The following LPL variants were observed in gnomAD, a reference collection of about 807,000 sequenced individuals.
LPL encodes the protein phospholipase A1.
In LPL, 43 loss-of-function variants were observed where a neutral mutation model predicts 52.2. The ratio of observed to expected loss-of-function variants is 0.82; its 90% CI spans 0.64 to 1.06. The LOEUF (loss-of-function observed/expected upper bound fraction) is 1.06. Ranked by LOEUF, LPL falls within the 50% of genes least tolerant of loss-of-function variation. LPL has a pLI of 0.00. For synonymous variants in LPL, 244 were observed against 215.6 expected, an observed-to-expected ratio of 1.13 and a Z score of -1.15; for missense variants, 639 against 585.3, an observed-to-expected ratio of 1.09 and a Z score of -0.95.
At chr8:19,957,746 G>T (rs573665616) in intron 6 of LPL, among the ~76,000 whole-genome samples, 31 of 152,264 alleles carry the variant, frequency 2.0e-4, no homozygotes, top group Non-Finnish European at 3.5e-4. Flanking sequence ...ATTATAAAAA[G>T]AGATGTATCT....
intron 8 of LPL, among the ~76,000 whole-genome samples, 176 bp downstream of exon 8, chr8:19,961,259 C>G (rs1489754748): frequency 0.011 from 1,254 of 117,646 alleles, no homozygotes; most frequent in African/African-American, 0.019. Flanking sequence ...TTTTGGGGGG[C>G]AGGGGGGGGG....
chr8:19,957,378 G>A (rs1313445955), intron 6 of LPL, among the ~76,000 whole-genome samples: 1 of 152,200 alleles, frequency 6.6e-6, no homozygotes, highest in Non-Finnish European at 1.5e-5. Context: ...TGTGTAAGGT[G>A]ATTCTTAGAA....
chr8:19,954,523 A>G (rs1025689189), intron 5 of LPL, among the ~76,000 whole-genome samples, 170 bp downstream of exon 5: 8 of 152,192 alleles, frequency 5.3e-5, no homozygotes, highest in Non-Finnish European at 8.8e-5. Flanking sequence ...AGCCAGGCAG[A>G]CAGCCATTTT....
rs2069949982 is a variant in LPL, at chr8:19,953,200, A to G, written c.430-110A>G. On this transcript the variant is annotated intron_variant, in intron 3 of 9. Transcript: ENST00000650287. ...ACACAAAATTAAAATAAGTAGAATTAGTTTTCAGTATTTCCTATATTTGGA... is the reference window on the plus strand; with the variant it reads ...ACACAAAATTAAAATAAGTAGAATTGGTTTTCAGTATTTCCTATATTTGGA... 11 of 704,392 alleles carry G rather than the reference A, an allele frequency of 1.6e-5. No individual in the cohort carries two copies. In the Admixed American group the frequency reaches 2.3e-4, roughly 15 times the overall value. The allele number at this position is 704,392 out of a possible 1,614,324, so 43.6% of individuals were successfully genotyped here. A position where few individuals can be genotyped will look rare whatever the true frequency, so the allele number is the denominator to read the frequency against.
At position 19,964,010 on chromosome 8, in the gene LPL, T is replaced by G. The variant is rs530384741; in HGVS notation, c.*-1300T>G. ...TCTTGCTGCCCAGGCTGGAGTGTAG[T>G]GGCTCGATCTCAGCTCACTGCAACC... On this transcript the variant is annotated intron_variant, in intron 9 of 9. Transcript: ENST00000650287. 2.7e-4 allele frequency among the ~76,000 whole-genome samples: 41 copies of G among 152,064 alleles called. 1 individual carries two copies. Among genetic ancestry groups the G allele is most frequent in the Non-Finnish European group, 5.9e-4 (40 of 67,998 alleles).
In LPL at chr8:19,951,928, C is replaced by T. The variant is rs376875031; in HGVS notation, c.409C>T (p.Arg137Trp). The part of the protein sequence containing the change: ...YTKLVGQDVA[R>W]FINWMEEEFN... The stretch of plus-strand genomic sequence containing the variant: ...CAAACTGGTGGGACAGGATGTGGCC[C>T]GGTTTATCAACTGGATGGAGGTAAG... The change falls in exon 3 of 10, where the codon CGG (arginine) becomes TGG (tryptophan). Residue 137 changes from arginine to tryptophan, a missense_variant. Coordinates refer to ENST00000650287, the MANE Select transcript of LPL (RefSeq NM_000237.3). The T allele has an allele frequency of 1.1e-5, 17 of 1,613,880 alleles. No individual in the cohort carries two copies. The highest frequency in any genetic ancestry group is 3.3e-4 in the Middle Eastern group (2 of 6,084).
At chr8:19,942,184 G>T (rs2069846771) in intron 1 of LPL, among the ~76,000 whole-genome samples, 1 of 152,070 alleles carries the variant, frequency 6.6e-6, no homozygotes, top group Non-Finnish European at 1.5e-5. Context: ...TCAGCTTTCT[G>T]TTCTTGCTTT....
chr8:19,964,761 C>T (rs2070070983), intron 9 of LPL, among the ~76,000 whole-genome samples: 2 of 152,072 alleles, frequency 1.3e-5, no homozygotes, highest in African/African-American at 4.8e-5. Context: ...AACTCCTAAC[C>T]TCAGGTGATG....
At position 19,950,227 on chromosome 8, in the gene LPL, G is replaced by A. The variant is rs984258499; in HGVS notation, c.250-1542G>A. Among the ~76,000 whole-genome samples, 1 of 152,202 alleles carries A rather than the reference G, an allele frequency of 6.6e-6. No homozygotes were observed. The stretch of plus-strand genomic sequence containing the variant: ...GCCCACCTGGTATAGGCAGCAGGGA[G>A]GGCTTCAGTTCAGCTGCGTGTCTGA... On this transcript the variant is annotated intron_variant, in intron 2 of 9. Transcript: ENST00000650287. The surrounding 1 kb of genome is among the most constrained non-coding windows in gnomAD (Gnocchi z 4.2).
At chr8:19,957,185 C>G (rs279) in intron 6 of LPL, among the ~76,000 whole-genome samples, 5,245 of 152,242 alleles carry the variant, frequency 0.034, 324 homozygotes, top group African/African-American at 0.12. Context: ...GAATTTCAAG[C>G]TTGGCCTCTT....
At chr8:19,942,452 C>G (rs1454247609) in intron 1 of LPL, among the ~76,000 whole-genome samples, 1 of 152,142 alleles carries the variant, frequency 6.6e-6, no homozygotes, top group Non-Finnish European at 1.5e-5. Flanking sequence ...TTTGGATTTA[C>G]TAATAAGGTA....
chr8:19,960,859 C>G (rs924460771), intron 7 of LPL, 42 bp from the exon 8 acceptor site: 18 of 1,476,482 alleles, frequency 1.2e-5, no homozygotes, highest in Non-Finnish European at 1.7e-5. Context: ...GCAGGGAGAG[C>G]TGATCTCTAT....
At position 19,939,310 on chromosome 8, in the gene LPL, G is replaced by C; in HGVS notation, c.-131G>C. The stretch of plus-strand genomic sequence containing the variant: ...AAGGGAAAGCTGCCCACTTCTAGCT[G>C]CCCTGCCATCCCCTTTAAAGGGCGA... On this transcript the variant is annotated 5_prime_UTR_variant, in exon 1 of 10. Coordinates refer to ENST00000650287, the MANE Select transcript of LPL (RefSeq NM_000237.3). The surrounding 1 kb of genome is among the most constrained non-coding windows in gnomAD (Gnocchi z 4.0). The C allele has an allele frequency of 1.3e-6, 1 of 755,792 alleles. No individual in the cohort carries two copies. Among genetic ancestry groups the C allele is most frequent in the South Asian group, 1.6e-5 (1 of 63,102 alleles). 46.8% of individuals were successfully genotyped at this position (755,792 alleles called of 1,614,324 possible). A position where few individuals can be genotyped will look rare whatever the true frequency, so the allele number is the denominator to read the frequency against.
At chr8:19,960,076 A>G (rs538127884) in intron 7 of LPL, among the ~76,000 whole-genome samples, 7 of 152,188 alleles carry the variant, frequency 4.6e-5, no homozygotes, top group African/African-American at 1.7e-4. Flanking sequence ...GGTGTGAGCC[A>G]CCATGCCCAG....
intron 2 of LPL, chr8:19,948,578 G>C (rs2128837088): frequency 2.0e-6 from 1 of 499,632 alleles, no homozygotes; most frequent in East Asian, 3.3e-5. Flanking sequence ...CCTTGAGCCA[G>C]AGCTTCCTGC....
rs1284921051 is a variant in LPL, at chr8:19,944,449, G to C, written c.89-3731G>C. 1.3e-4 allele frequency among the ~76,000 whole-genome samples: 19 copies of C among 147,422 alleles called. No individual in the cohort carries two copies. Among genetic ancestry groups the C allele is most frequent in the Admixed American group, 3.4e-4 (5 of 14,720 alleles). The stretch of plus-strand genomic sequence containing the variant: ...AAGCCCTGTAGGAGTGAGAGAAAAG[G>C]GGGGAGAGAGAGAGAAAGGGGTGGG... On this transcript the variant is annotated intron_variant, in intron 1 of 9. Transcript: ENST00000650287. The surrounding 1 kb of genome is among the most constrained non-coding windows in gnomAD (Gnocchi z 4.2).
rs1037306407 is a variant in LPL at position 19,960,961 on chromosome 8, A to G, written c.1200A>G (p.Gly400=). The change falls in exon 8 of 10, where the codon GGA becomes GGG. Residue 400 remains glycine, a synonymous_variant. Transcript: ENST00000650287. ...TAATTTACACAGAGGTAGATATTGG[A>G]GAACTACTCATGTTGAAGCTCAAAT... ...SFLIYTEVDI[G]ELLMLKLKWK... 2.5e-6 allele frequency: 4 copies of G among 1,614,114 alleles called. No homozygotes were observed. Among genetic ancestry groups the G allele is most frequent in the Non-Finnish European group, 2.5e-6 (3 of 1,179,958 alleles).
rs1167840779 is a variant in LPL at position 19,948,178 on chromosome 8, A to G, written c.89-2A>G. 6.2e-7 allele frequency: 1 copy of G among 1,614,138 alleles called. No individual in the cohort carries two copies. Among genetic ancestry groups the G allele is most frequent in the African/African-American group, 1.3e-5 (1 of 75,058 alleles). ...ACCTCATATCCAATTTTTCCTTTCCAGAAAGAAGAGATTTTATCGACATCG... is the reference window on the plus strand; with the variant it reads ...ACCTCATATCCAATTTTTCCTTTCCGGAAAGAAGAGATTTTATCGACATCG... On this transcript the variant is annotated splice_acceptor_variant, in intron 1 of 9. Transcript: ENST00000650287. LOFTEE classifies it high-confidence loss of function.
chr8:19,953,489 A>AATG, intron 4 of LPL, 68 bp downstream of exon 4: 2 of 1,257,062 alleles, frequency 1.6e-6, no homozygotes, highest in Non-Finnish European at 2.3e-6. Context: ...AGAGAATCAG[A>AATG]ACAAATTTTG....
Sources: gnomAD v4.1 joint callset for allele counts (sites outside exome capture counted in the v4.1 genomes callset) on GRCh38, gnomAD v4.1.1 for gene constraint, Gnocchi (gnomAD v3.1) non-coding constraint, MANE v1.5 for transcripts, NCBI Gene and HGNC (gene_info 2026-07-23, HGNC 2026-07-21) for gene names.